EYA4: variants seen among roughly 807,000 people sequenced by gnomAD.
The protein encoded by EYA4 is EYA transcriptional coactivator and phosphatase 4.
Under a neutral mutation model 87.9 loss-of-function variants are expected in EYA4, and 31 were observed. The ratio of observed to expected loss-of-function variants is 0.35; its 90% CI spans 0.27 to 0.48. The LOEUF is 0.48. Among genes scored for constraint, EYA4 ranks in the 20% least tolerant of loss-of-function variants. EYA4 has a pLI of 0.99. For missense variants in EYA4, 678 were observed against 761.4 expected, an observed-to-expected ratio of 0.89 and a Z score of 1.29; for synonymous variants, 263 against 270.6, an observed-to-expected ratio of 0.97 and a Z score of 0.28.
At chr6:133,421,863 G>A (rs1418520090) in intron 3 of EYA4, among the ~76,000 whole-genome samples, 1 of 152,184 alleles carries the variant, frequency 6.6e-6, no homozygotes, top group East Asian at 1.9e-4. Flanking sequence ...GGGAAACCCA[G>A]TCAGCCTAAA....
intron 13 of EYA4, among the ~76,000 whole-genome samples, chr6:133,500,610 C>A (rs1255071154): frequency 1.3e-5 from 2 of 152,140 alleles, no homozygotes; most frequent in East Asian, 3.9e-4. Flanking sequence ...CAAATGAATT[C>A]TGTCATCTTT....
At chr6:133,257,549 C>A (rs1775436441) in intron 1 of EYA4, among the ~76,000 whole-genome samples, 1 of 152,054 alleles carries the variant, frequency 6.6e-6, no homozygotes, top group Non-Finnish European at 1.5e-5. Context: ...ATGTATTATA[C>A]AAACTACCAC....
intron 13 of EYA4, among the ~76,000 whole-genome samples, chr6:133,494,350 A>G (rs1192790659): frequency 6.6e-6 from 1 of 152,146 alleles, no homozygotes; most frequent in Non-Finnish European, 1.5e-5. Context: ...ACTTATTTGG[A>G]AGCTAAAAAA....
intron 1 of EYA4, among the ~76,000 whole-genome samples, chr6:133,273,024 A>G (rs1031803079): frequency 2.0e-5 from 3 of 150,958 alleles, no homozygotes; most frequent in Non-Finnish European, 4.4e-5. Context: ...TGCTCATTAG[A>G]CACCCCACTC....
chr6:133,445,482 C>G (rs1333377627), intron 3 of EYA4, among the ~76,000 whole-genome samples: 4 of 150,838 alleles, frequency 2.7e-5, no homozygotes, highest in Admixed American at 2.6e-4. Context: ...ATTCTCTCAA[C>G]TTTTATTGAT....
chr6:133,291,296 G>A (rs1396831561), intron 2 of EYA4, among the ~76,000 whole-genome samples: 1 of 152,130 alleles, frequency 6.6e-6, no homozygotes, highest in East Asian at 1.9e-4. Context: ...GCATTTTACA[G>A]TTATTTCCAA....
chr6:133,481,721 G>A lies in EYA4; in HGVS notation c.1107+122G>A, dbSNP rs186411875. ...AATCAAGATATATCATGAATTGAAT[G>A]GAACTACTTTGTGATAGGCATTTTA... On this transcript the variant is annotated intron_variant, in intron 12 of 19. Transcript: ENST00000355286. 3.1e-4 allele frequency: 344 copies of A among 1,114,022 alleles called. 5 individuals carry two copies. The East Asian group carries it at 4.8e-3, about 16-fold the overall frequency. 69.0% of individuals were successfully genotyped at this position (1,114,022 alleles called of 1,614,324 possible).
chr6:133,362,175 T>G (rs1784497665), intron 2 of EYA4, among the ~76,000 whole-genome samples: 1 of 152,160 alleles, frequency 6.6e-6, no homozygotes, highest in South Asian at 2.1e-4. Context: ...ATTTTACAGC[T>G]TATCCCCTCC....
At chr6:133,359,468 T>A (rs1025177269) in intron 2 of EYA4, among the ~76,000 whole-genome samples, 1 of 152,266 alleles carries the variant, frequency 6.6e-6, no homozygotes, top group Non-Finnish European at 1.5e-5. Context: ...TTTTTCTGTC[T>A]GCTGTTGGGT....
At chr6:133,245,121 T>G (rs758659823) in intron 1 of EYA4, 1 of 152,170 alleles carries the variant, frequency 6.6e-6, no homozygotes, top group Non-Finnish European at 1.5e-5. Context: ...CACTGGACAT[T>G]CTGTAAAAAC....
chr6:133,446,656 G>A lies in EYA4; in HGVS notation c.110G>A (p.Ser37Asn), dbSNP rs372319742. Residue 37 changes from serine (S) to asparagine (N), a missense_variant, in exon 4 of 20, where the codon AGT (serine) becomes AAT (asparagine). Physicochemically the swap from Ser to Asn is conservative, Grantham distance 46. Coordinates refer to ENST00000355286, the MANE Select transcript of EYA4 (RefSeq NM_004100.5). ...SRSMEMQDLA[S>N]PHTLVGGGDT... ...TCTATGGAAATGCAGGACCTAGCAA[G>A]TCCTCATACTCTTGTTGGAGGTGGT... The A allele has an allele frequency of 1.7e-5, 28 of 1,613,830 alleles. No individual in the cohort carries two copies. The highest frequency in any genetic ancestry group is 2.2e-5 in the Non-Finnish European group (26 of 1,179,900).
At chr6:133,441,786 G>A (rs1187815766) in intron 3 of EYA4, among the ~76,000 whole-genome samples, 1 of 152,020 alleles carries the variant, frequency 6.6e-6, no homozygotes, top group African/African-American at 2.4e-5. Context: ...TCAGGGTGGA[G>A]CAGGTAATCA....
intron 10 of EYA4, among the ~76,000 whole-genome samples, chr6:133,467,174 C>T (rs1444550344): frequency 6.6e-6 from 1 of 152,044 alleles, no homozygotes; most frequent in Non-Finnish European, 1.5e-5. Context: ...ATAGCCTGGA[C>T]CTTTCCAGTA....
intron 2 of EYA4, among the ~76,000 whole-genome samples, chr6:133,337,714 ACT>A (rs532234586): frequency 1.6e-4 from 25 of 152,010 alleles, no homozygotes; most frequent in African/African-American, 5.5e-4. Context: ...CAAATAATAA[ACT>A]CTTTTTAATT....
chr6:133,368,173 A>G (rs1784996563), intron 2 of EYA4, among the ~76,000 whole-genome samples: 2 of 152,344 alleles, frequency 1.3e-5, no homozygotes, highest in East Asian at 3.9e-4. Flanking sequence ...TATATTTCTC[A>G]TCAGAAAAAT....
At chr6:133,338,019 G>A (rs994247880) in intron 2 of EYA4, among the ~76,000 whole-genome samples, 5 of 152,142 alleles carry the variant, frequency 3.3e-5, no homozygotes, top group African/African-American at 1.2e-4. Context: ...GATGCATAGG[G>A]TGAAGCAAGT....
intron 3 of EYA4, among the ~76,000 whole-genome samples, chr6:133,431,949 ATTT>A (rs34742458): frequency 6.9e-6 from 1 of 143,952 alleles, no homozygotes; most frequent in African/African-American, 2.6e-5. Flanking sequence ...CATTTTCTTG[ATTT>A]TTTTTTTTTT....
intron 1 of EYA4, among the ~76,000 whole-genome samples, chr6:133,268,270 G>C (rs1378054274): frequency 6.6e-6 from 1 of 152,074 alleles, no homozygotes. Flanking sequence ...TCCATAATCT[G>C]TTGTATCCTT....
chr6:133,425,842 C>G (rs746214821), intron 3 of EYA4, among the ~76,000 whole-genome samples: 2 of 150,686 alleles, frequency 1.3e-5, no homozygotes, highest in Non-Finnish European at 2.9e-5. Flanking sequence ...TTGCTTCTAC[C>G]TCTCCATTTG....
Sources: allele counts gnomAD v4.1 joint callset (sites outside exome capture counted in the v4.1 genomes callset), GRCh38; gene constraint gnomAD v4.1.1; transcripts MANE v1.5; gene names NCBI Gene and HGNC (gene_info 2026-07-23, HGNC 2026-07-21).